Variants in KCNH8 observed in about 807,000 individuals in gnomAD.
The protein encoded by KCNH8 is voltage-gated delayed rectifier potassium channel KCNH8.
KCNH8 carries 70 observed loss-of-function variants against 103.6 expected under a neutral mutation model. That is an observed-to-expected ratio of 0.68 (90% CI 0.56 to 0.82). KCNH8 has a LOEUF of 0.82. Among genes scored for constraint, KCNH8 ranks in the 40% least tolerant of loss-of-function variants. The pLI, the probability that KCNH8 is intolerant of heterozygous loss-of-function variation, is 0.00. For missense variants in KCNH8, 1,217 were observed against 1,329.9 expected, an observed-to-expected ratio of 0.92 and a Z score of 1.32; for synonymous variants, 498 against 489.4, an observed-to-expected ratio of 1.02 and a Z score of -0.23.
intron 15 of KCNH8, among the ~76,000 whole-genome samples, chr3:19,529,564 T>C (rs1211820922): frequency 6.6e-6 from 1 of 152,184 alleles, no homozygotes; most frequent in African/African-American, 2.4e-5. Flanking sequence ...CCTTCAACAT[T>C]TGATGAAGAC....
At chr3:19,268,328 G>T (rs1397206829) in intron 2 of KCNH8, among the ~76,000 whole-genome samples, 2 of 152,054 alleles carry the variant, frequency 1.3e-5, no homozygotes, top group East Asian at 3.9e-4. Flanking sequence ...TTTGAAGGAT[G>T]AGTAGAAATT....
chr3:19,527,004 G>T (rs1009212863), intron 15 of KCNH8, among the ~76,000 whole-genome samples: 28 of 151,926 alleles, frequency 1.8e-4, no homozygotes, highest in African/African-American at 6.3e-4. Flanking sequence ...CTCCACATTG[G>T]TCCTTATTCA....
chr3:19,174,150 C>T (rs1485676368), intron 1 of KCNH8, among the ~76,000 whole-genome samples: 1 of 151,834 alleles, frequency 6.6e-6, no homozygotes, highest in African/African-American at 2.4e-5. Context: ...TAACATTTTC[C>T]CCCTTGCTCT....
In KCNH8 at chr3:19,534,382, G is replaced by C. The variant is rs1005738571; in HGVS notation, c.*283G>C. The C allele has an allele frequency of 2.4e-6, 1 of 424,894 alleles. No homozygotes were observed. The highest frequency in any genetic ancestry group is 2.0e-5 in the African/African-American group (1 of 50,028). The allele number at this position is 424,894 out of a possible 1,614,324, so 26.3% of individuals were successfully genotyped here. On this transcript the variant is annotated 3_prime_UTR_variant, in exon 16 of 16. Transcript: ENST00000328405. ...AAGACCCTGAGGGTCTGAGCAGCTAGAAGTCCTAGACAAAGAACTTGTGGA... is the reference window on the plus strand; with the variant it reads ...AAGACCCTGAGGGTCTGAGCAGCTACAAGTCCTAGACAAAGAACTTGTGGA...
chr3:19,290,281 T>C (rs1265719391), intron 3 of KCNH8, among the ~76,000 whole-genome samples: 3 of 152,168 alleles, frequency 2.0e-5, no homozygotes, highest in Non-Finnish European at 2.9e-5. Context: ...TCCAACACTA[T>C]GTTGAATAGG....
chr3:19,404,580 G>A (rs1397696283), intron 7 of KCNH8, among the ~76,000 whole-genome samples: 2 of 151,794 alleles, frequency 1.3e-5, no homozygotes, highest in Non-Finnish European at 2.9e-5. Context: ...TCTGGCTCTG[G>A]GAGTGTCATG....
At chr3:19,154,974 A>G (rs1346181425) in intron 1 of KCNH8, among the ~76,000 whole-genome samples, 2 of 152,242 alleles carry the variant, frequency 1.3e-5, no homozygotes, top group East Asian at 3.8e-4. Flanking sequence ...CCTATGACCT[A>G]GTTCATATTT....
chr3:19,534,104 A>T lies in KCNH8; in HGVS notation c.*5A>T, dbSNP rs755346900. ...AACAAAGCCATAAATGTATGATATTAGTGCCCATGATGCAGCAGCTAATTT... is the reference window on the plus strand; with the variant it reads ...AACAAAGCCATAAATGTATGATATTTGTGCCCATGATGCAGCAGCTAATTT... On this transcript the variant is annotated 3_prime_UTR_variant, in exon 16 of 16. Transcript: ENST00000328405. 1 of 1,600,654 alleles carries T rather than the reference A, an allele frequency of 6.2e-7. No homozygotes were observed. The highest frequency in any genetic ancestry group is 1.1e-5 in the South Asian group (1 of 90,370).
At chr3:19,318,390 C>T (rs1360691730) in intron 3 of KCNH8, among the ~76,000 whole-genome samples, 1 of 151,682 alleles carries the variant, frequency 6.6e-6, no homozygotes, top group Non-Finnish European at 1.5e-5. Context: ...GAGTAGTATA[C>T]ACTGTACCCA....
chr3:19,151,446 A>G (rs1208219223), intron 1 of KCNH8, among the ~76,000 whole-genome samples: 1 of 150,638 alleles, frequency 6.6e-6, no homozygotes, highest in African/African-American at 2.5e-5. Context: ...ATTTTGGACA[A>G]TTTTTATGAA....
chr3:19,205,535 T>TCAAG (rs1287396159), intron 1 of KCNH8, among the ~76,000 whole-genome samples: 2 of 151,940 alleles, frequency 1.3e-5, no homozygotes, highest in Non-Finnish European at 2.9e-5. Flanking sequence ...ACCCTTACAC[T>TCAAG]CAAGCAAGGG....
intron 15 of KCNH8, among the ~76,000 whole-genome samples, chr3:19,529,410 G>A (rs759455861): frequency 1.3e-5 from 2 of 152,252 alleles, no homozygotes; most frequent in Admixed American, 6.5e-5. Context: ...TGTTACATAT[G>A]TACACATGTC....
At chr3:19,235,168 T>A (rs937468691) in intron 1 of KCNH8, among the ~76,000 whole-genome samples, 1 of 152,190 alleles carries the variant, frequency 6.6e-6, no homozygotes, top group Non-Finnish European at 1.5e-5. Context: ...CTTGCTTTGC[T>A]TAAAGTCACA....
chr3:19,398,581 G>A (rs1051220109), intron 7 of KCNH8, among the ~76,000 whole-genome samples: 1 of 151,862 alleles, frequency 6.6e-6, no homozygotes, highest in African/African-American at 2.4e-5. Context: ...TACAGTGAGG[G>A]ATAAAGTTCC....
intron 1 of KCNH8, among the ~76,000 whole-genome samples, chr3:19,162,137 C>T (rs1021659659): frequency 6.6e-6 from 1 of 151,936 alleles, no homozygotes; most frequent in Non-Finnish European, 1.5e-5. Flanking sequence ...TTAAACAAAA[C>T]ACTAAAAACT....
chr3:19,401,508 C>T (rs1370474399), intron 7 of KCNH8, among the ~76,000 whole-genome samples: 2 of 151,934 alleles, frequency 1.3e-5, no homozygotes, highest in Non-Finnish European at 2.9e-5. Flanking sequence ...CTGTTAGTTC[C>T]AGAAGACGCA....
chr3:19,402,926 G>C (rs1020619766), intron 7 of KCNH8, among the ~76,000 whole-genome samples: 1 of 151,726 alleles, frequency 6.6e-6, no homozygotes, highest in Non-Finnish European at 1.5e-5. Context: ...AAACTGATTT[G>C]CCTAAAATAT....
chr3:19,213,419 C>T (rs1365217315), intron 1 of KCNH8, among the ~76,000 whole-genome samples: 2 of 151,992 alleles, frequency 1.3e-5, no homozygotes, highest in African/African-American at 2.4e-5. Flanking sequence ...CTTTTGAACT[C>T]GAGGCCCATG....
At chr3:19,391,337 ATTC>A (rs1014649200) in intron 6 of KCNH8, among the ~76,000 whole-genome samples, 2 of 152,038 alleles carry the variant, frequency 1.3e-5, no homozygotes, top group African/African-American at 4.8e-5. Flanking sequence ...AATGATTGGT[ATTC>A]TTAAAAGTAT....
Sources: gnomAD v4.1 joint callset for allele counts (sites outside exome capture counted in the v4.1 genomes callset) on GRCh38, gnomAD v4.1.1 for gene constraint, MANE v1.5 for transcripts, NCBI Gene and HGNC (gene_info 2026-07-23, HGNC 2026-07-21) for gene names.